The following MEIKIN variants were observed in gnomAD, a reference collection of about 807,000 sequenced individuals.
MEIKIN encodes the protein meiosis-specific kinetochore protein.
At chr5:131,882,816 C>A (rs917916903) in intron 8 of MEIKIN, among the ~76,000 whole-genome samples, 2 of 152,118 alleles carry the variant, frequency 1.3e-5, no homozygotes, top group African/African-American at 4.8e-5. Flanking sequence ...ACATGCCAAG[C>A]ACATTCCCAT....
chr5:131,913,679 T>C (rs991232572), intron 7 of MEIKIN, among the ~76,000 whole-genome samples: 1 of 152,236 alleles, frequency 6.6e-6, no homozygotes, highest in East Asian at 1.9e-4. Context: ...ACTTCACCTT[T>C]TACAAACTCC....
intron 8 of MEIKIN, among the ~76,000 whole-genome samples, chr5:131,880,193 G>A (rs1041505700): frequency 4.6e-5 from 7 of 151,654 alleles, no homozygotes; most frequent in African/African-American, 9.7e-5. Context: ...GGGTTCAAGC[G>A]ATTCTCCTGT....
intron 10 of MEIKIN, among the ~76,000 whole-genome samples, chr5:131,854,523 G>C (rs931474872): frequency 1.3e-5 from 2 of 152,006 alleles, no homozygotes; most frequent in Admixed American, 6.6e-5. Context: ...TTTTAAAACT[G>C]AAAGGAAAAA....
At chr5:131,941,113 C>A (rs1419781670) in intron 4 of MEIKIN, among the ~76,000 whole-genome samples, 2 of 140,266 alleles carry the variant, frequency 1.4e-5, no homozygotes, top group Non-Finnish European at 3.0e-5. Flanking sequence ...CTTAATCCAT[C>A]GCCTTGACAA....
intron 12 of MEIKIN, among the ~76,000 whole-genome samples, chr5:131,815,719 G>A (rs1449403664): frequency 6.6e-6 from 1 of 152,206 alleles, no homozygotes; most frequent in Non-Finnish European, 1.5e-5. Context: ...ATCTCTTAGG[G>A]TATCTGTTAA....
In MEIKIN at chr5:131,921,884, T is replaced by C. The variant is rs1209410622; in HGVS notation, c.536A>G (p.Asp179Gly). ...CTCTATCGCTACTGCTTTACTGGTA[T>C]CCAGAAGAGTAGAATTCTTCCACTG... is the stretch of plus-strand genomic sequence containing the variant. ...HMQWKNSTLL[D>G]TSKAVAIEKA... The change falls in exon 6 of 13, where the codon GAT (aspartate) becomes GGT (glycine). Residue 179 changes from aspartate (D) to glycine (G), a missense_variant. Asp to Gly is a moderately conservative substitution (Grantham distance 94). Coordinates refer to ENST00000442687, the MANE Select transcript of MEIKIN (RefSeq NM_001303622.2). 7.5e-6 allele frequency: 3 copies of C among 398,886 alleles called. No individual in the cohort carries two copies. The highest frequency in any genetic ancestry group is 1.3e-5 in the Non-Finnish European group (3 of 226,056). The allele number at this position is 398,886 out of a possible 1,614,324, so 24.7% of individuals were successfully genotyped here.
At chr5:131,865,089 A>T (rs1451630723) in intron 9 of MEIKIN, among the ~76,000 whole-genome samples, 3 of 151,746 alleles carry the variant, frequency 2.0e-5, no homozygotes, top group Non-Finnish European at 2.9e-5. Flanking sequence ...AATAATATCC[A>T]TCTCTTTGGT....
chr5:131,874,635 A>T (rs1163892289), intron 9 of MEIKIN, among the ~76,000 whole-genome samples: 1 of 152,206 alleles, frequency 6.6e-6, no homozygotes, highest in East Asian at 1.9e-4. Flanking sequence ...ATCCTCCCTA[A>T]CTCATTTTAT....
chr5:131,890,570 T>C (rs1377538325), intron 8 of MEIKIN, among the ~76,000 whole-genome samples: 2 of 152,242 alleles, frequency 1.3e-5, no homozygotes, highest in Non-Finnish European at 2.9e-5. Flanking sequence ...ATATCTCCTT[T>C]GTCATTTTTT....
At chr5:131,872,831 G>A (rs1226084637) in intron 9 of MEIKIN, among the ~76,000 whole-genome samples, 2 of 152,286 alleles carry the variant, frequency 1.3e-5, no homozygotes, top group East Asian at 1.9e-4. Context: ...AGAAGAGAGT[G>A]GGGGCCAATA....
chr5:131,916,780 T>C (rs1751421360), intron 7 of MEIKIN, 106 bp downstream of exon 7: 2 of 386,740 alleles, frequency 5.2e-6, no homozygotes, highest in African/African-American at 2.1e-5. Context: ...CCTCAACAAA[T>C]AATAAATGAA....
rs765105849 is a variant in MEIKIN, at chr5:131,895,260, C to G, written c.704-16212G>C. Reference sequence around the variant, plus strand: ...AGCCCACTGGATCATGGTGGATAAGCTTCTTGATGTGCTGCTGGATTTGGT... The same window carrying G: ...AGCCCACTGGATCATGGTGGATAAGGTTCTTGATGTGCTGCTGGATTTGGT... On this transcript the variant is annotated intron_variant, in intron 8 of 12. Coordinates refer to ENST00000442687, the MANE Select transcript of MEIKIN (RefSeq NM_001303622.2). 4.5e-4 allele frequency among the ~76,000 whole-genome samples: 69 copies of G among 152,250 alleles called. 1 individual carries two copies. Among genetic ancestry groups the G allele is most frequent in the Non-Finnish European group, 8.7e-4 (59 of 68,004 alleles).
chr5:131,807,134 A>C lies in MEIKIN; in HGVS notation c.*102T>G. On this transcript the variant is annotated 3_prime_UTR_variant, in exon 13 of 13. Transcript: ENST00000442687. ...TATCACAAATAACTGGAGAATTTTT[A>C]ATTTTTAATTTCATATAATTTCAGG... The C allele has an allele frequency of 2.5e-6, 1 of 397,904 alleles. No homozygotes were observed. The highest frequency in any genetic ancestry group is 3.6e-5 in the East Asian group (1 of 27,990). The allele number at this position is 397,904 out of a possible 1,614,324, so 24.6% of individuals were successfully genotyped here. A position where few individuals can be genotyped will look rare whatever the true frequency, so the allele number is the denominator to read the frequency against.
In MEIKIN at chr5:131,881,406, C is replaced by T. The variant is rs190604686; in HGVS notation, c.704-2358G>A. 1.3e-5 allele frequency among the ~76,000 whole-genome samples: 2 copies of T among 152,072 alleles called. 1 individual carries two copies. Among genetic ancestry groups the T allele is most frequent in the Non-Finnish European group, 2.9e-5 (2 of 67,970 alleles). ...CCACTAGGTCTCAGGGTTTTTTTGCCGGATATTTCTCCCTTTCCCTACCTC... is the reference window on the plus strand; with the variant it reads ...CCACTAGGTCTCAGGGTTTTTTTGCTGGATATTTCTCCCTTTCCCTACCTC... On this transcript the variant is annotated intron_variant, in intron 8 of 12. Transcript: ENST00000442687.
chr5:131,878,199 A>G (rs1750647114), intron 9 of MEIKIN, among the ~76,000 whole-genome samples: 1 of 151,644 alleles, frequency 6.6e-6, no homozygotes. Flanking sequence ...TTTTCCATAA[A>G]TTGAATAATC....
In MEIKIN at chr5:131,933,615, T is replaced by G; in HGVS notation, c.376A>C (p.Ser126Arg). Residue 126 changes from serine (S) to arginine (R), a missense_variant, in exon 5 of 13, where the codon AGT becomes CGT. Coordinates refer to ENST00000442687, the MANE Select transcript of MEIKIN (RefSeq NM_001303622.2). ...GTGACTGAATAGCTCAGAAGAGAAC[T>G]GGCCATACCATGGTGCAAACTTAAT... ...SGLSLHHGMA[S>R]SLLSYSVTDS... is the part of the protein sequence containing the mutation. 1 of 398,828 alleles carries G rather than the reference T, an allele frequency of 2.5e-6. No individual in the cohort carries two copies. The highest frequency in any genetic ancestry group is 1.3e-4 in the South Asian group (1 of 7,848). The allele number at this position is 398,828 out of a possible 1,614,324, so 24.7% of individuals were successfully genotyped here. A position where few individuals can be genotyped will look rare whatever the true frequency, so the allele number is the denominator to read the frequency against.
intron 8 of MEIKIN, among the ~76,000 whole-genome samples, chr5:131,882,230 G>A (rs898740940): frequency 3.3e-5 from 5 of 151,904 alleles, no homozygotes; most frequent in South Asian, 4.2e-4. Context: ...TTCTACTCTC[G>A]CCCTCTTAAT....
At chr5:131,880,765 T>C (rs1373829713) in intron 8 of MEIKIN, among the ~76,000 whole-genome samples, 1 of 152,258 alleles carries the variant, frequency 6.6e-6, no homozygotes, top group Non-Finnish European at 1.5e-5. Context: ...TTTTATGACC[T>C]GTGTATTTCT....
At chr5:131,939,536 A>C (rs913341633) in intron 4 of MEIKIN, among the ~76,000 whole-genome samples, 1 of 152,198 alleles carries the variant, frequency 6.6e-6, no homozygotes, top group South Asian at 2.1e-4. Context: ...GGGTTTCAGA[A>C]AAGAGAAGTA....
Sources: allele counts gnomAD v4.1 joint callset (sites outside exome capture counted in the v4.1 genomes callset), GRCh38; gene constraint gnomAD v4.1.1; transcripts MANE v1.5; gene names NCBI Gene and HGNC (gene_info 2026-07-23, HGNC 2026-07-21).